DYSF: variants seen among roughly 807,000 people sequenced by gnomAD.
DYSF encodes the protein dysferlin.
DYSF carries 212 observed loss-of-function variants against 274.9 expected under a neutral mutation model. The observed-to-expected ratio is 0.77, with a 90% confidence interval of 0.69 to 0.86. DYSF has a LOEUF of 0.86. Among genes scored for constraint, DYSF ranks in the 40% least tolerant of loss-of-function variants. The pLI is 0.00. For missense variants in DYSF, 2,666 were observed against 2,783.2 expected (o/e 0.96, Z 0.95); for synonymous variants, 1,091 against 1,078.7 (o/e 1.01, Z -0.22).
chr2:71,658,593 A>G (rs1205321079), intron 43 of DYSF, among the ~76,000 whole-genome samples: 2 of 152,244 alleles, frequency 1.3e-5, no homozygotes, highest in African/African-American at 4.8e-5. Context: ...GAATCATGGC[A>G]GGAGGTGAAA....
intron 24 of DYSF, among the ~76,000 whole-genome samples, chr2:71,567,366 G>A (rs967981664): frequency 6.6e-6 from 1 of 152,204 alleles, no homozygotes; most frequent in South Asian, 2.1e-4. Flanking sequence ...TCTCTTTCCA[G>A]ATCTGTATCA....
chr2:71,516,934 C>T lies in DYSF; in HGVS notation c.952-55C>T. ...TGGGAGGGAAGAGCTATTGGGTTGGCCGTGTGGGCCACATGTTCCCTGTGA... is the reference window on the plus strand; with the variant it reads ...TGGGAGGGAAGAGCTATTGGGTTGGTCGTGTGGGCCACATGTTCCCTGTGA... On this transcript the variant is annotated intron_variant, in intron 9 of 55. Coordinates refer to ENST00000410020, the MANE Select transcript of DYSF (RefSeq NM_001130987.2). 3.9e-6 allele frequency: 6 copies of T among 1,552,356 alleles called. 1 individual carries two copies. The South Asian group carries it at 6.7e-5, about 17-fold the overall frequency.
chr2:71,543,386 C>T (rs550124692), intron 17 of DYSF, among the ~76,000 whole-genome samples: 3 of 149,606 alleles, frequency 2.0e-5, no homozygotes, highest in South Asian at 2.1e-4. Context: ...ACTGGGCAGC[C>T]GGGCAGAGGG....
chr2:71,596,045 A>T (rs1171211851), intron 32 of DYSF, among the ~76,000 whole-genome samples: 1 of 136,122 alleles, frequency 7.3e-6, no homozygotes, highest in Non-Finnish European at 1.5e-5. Flanking sequence ...GTGCAGGGAG[A>T]GGCCAGGCCC....
At chr2:71,510,679 C>A (rs1201572591) in intron 4 of DYSF, among the ~76,000 whole-genome samples, 2 of 152,196 alleles carry the variant, frequency 1.3e-5, no homozygotes, top group Non-Finnish European at 1.5e-5. Flanking sequence ...CTCTGTGAGT[C>A]CCTGGACGTC....
intron 8 of DYSF, 61 bp downstream of exon 8, chr2:71,515,812 T>A: frequency 6.2e-7 from 1 of 1,608,434 alleles, no homozygotes; most frequent in Non-Finnish European, 8.5e-7. Flanking sequence ...GGAAGCCCAG[T>A]GCAGACACCT....
At position 71,657,013 on chromosome 2, in the gene DYSF, A is replaced by C. The variant is rs191842687; in HGVS notation, c.4755+723A>C. Among the ~76,000 whole-genome samples, 445 of 152,350 alleles carry C rather than the reference A, an allele frequency of 2.9e-3. 2 individuals carry two copies. The highest frequency in any genetic ancestry group is 6.8e-3 in the Middle Eastern group (2 of 294). ...AGTTAACTCATTTCAGCATTAACCC[A>C]AAAGTCCACAGTCCAAAGTCTCATC... On this transcript the variant is annotated intron_variant, in intron 43 of 55. Transcript: ENST00000410020.
chr2:71,481,241 G>C (rs527872358), intron 2 of DYSF, among the ~76,000 whole-genome samples: 3 of 152,326 alleles, frequency 2.0e-5, no homozygotes, highest in Non-Finnish European at 2.9e-5. Flanking sequence ...TCTCACACAG[G>C]CTGTTCCTTT....
chr2:71,651,771 T>A (rs1014715938), intron 42 of DYSF, among the ~76,000 whole-genome samples: 32 of 152,082 alleles, frequency 2.1e-4, no homozygotes, highest in African/African-American at 7.5e-4. Flanking sequence ...TAATAGCAAA[T>A]GAAACCTAAC....
At chr2:71,462,163 G>A (rs2081308598), upstream of DYSF, among the ~76,000 whole-genome samples, 1 of 152,246 alleles carries the variant, frequency 6.6e-6, no homozygotes, top group Non-Finnish European at 1.5e-5. Flanking sequence ...CGCCTGCGAA[G>A]GGCGAGCCAG....
At chr2:71,544,142 T>G (rs1235779275) in intron 17 of DYSF, among the ~76,000 whole-genome samples, 9 of 152,252 alleles carry the variant, frequency 5.9e-5, no homozygotes, top group Non-Finnish European at 1.2e-4. Context: ...AATATGCAGG[T>G]GAATGCTTTC....
intron 29 of DYSF, among the ~76,000 whole-genome samples, chr2:71,571,428 GCACACACAGATCACACCCAGCA>G (rs200929683): frequency 0.16 from 15,346 of 97,124 alleles, 1,323 homozygotes; most frequent in East Asian, 0.39. Context: ...ATCACAGTCA[GCACACACAGATCACACCCAGCA>G]CACACACAGA....
At chr2:71,613,556 G>T in intron 40 of DYSF, 146 bp downstream of exon 40, 1 of 775,334 alleles carries the variant, frequency 1.3e-6, no homozygotes, top group Non-Finnish European at 2.2e-6. Context: ...CTGTCCAGTA[G>T]AGAGACCCAG....
At position 71,614,669 on chromosome 2, in the gene DYSF, A is replaced by G. The variant is rs543428378; in HGVS notation, c.4464+1259A>G. The stretch of plus-strand genomic sequence containing the variant: ...TCCCCAGGCTAAGCTCAGGGGAGCA[A>G]CTGCGGCTCCTTCCTCTTTGTATTC... On this transcript the variant is annotated intron_variant, in intron 40 of 55. Transcript: ENST00000410020. 4.7e-4 allele frequency among the ~76,000 whole-genome samples: 72 copies of G among 152,266 alleles called. No homozygotes were observed. In the South Asian group the frequency reaches 0.014, roughly 31 times the overall value.
At chr2:71,599,751 G>A (rs1372223469) in intron 33 of DYSF, among the ~76,000 whole-genome samples, 3 of 152,238 alleles carry the variant, frequency 2.0e-5, no homozygotes, top group African/African-American at 7.2e-5. Context: ...GGAAGACATT[G>A]TCAGTAAGAG....
At position 71,466,826 on chromosome 2, in the gene DYSF, G is replaced by T. The variant is rs1158740804; in HGVS notation, c.-17G>T. On this transcript the variant is annotated 5_prime_UTR_variant, in exon 1 of 56. Coordinates refer to ENST00000410020, the MANE Select transcript of DYSF (RefSeq NM_001130987.2). Reference sequence around the variant, plus strand: ...CGCCCTGACTGCGCGCCTGTGTGCCGCCGGGGCTGCCCAGCCATGCTGTGC... The same window carrying T: ...CGCCCTGACTGCGCGCCTGTGTGCCTCCGGGGCTGCCCAGCCATGCTGTGC... The T allele has an allele frequency of 5.0e-5, 75 of 1,506,500 alleles. No homozygotes were observed. Among genetic ancestry groups the T allele is most frequent in the Non-Finnish European group, 6.4e-5 (71 of 1,114,754 alleles). The allele number at this position is 1,506,500 out of a possible 1,614,324, so 93.3% of individuals were successfully genotyped here.
Position 71,520,769 on chromosome 2 carries a change from G to A in DYSF, c.1034-20G>A, listed in dbSNP as rs12713756. On this transcript the variant is annotated intron_variant, in intron 11 of 55. Coordinates refer to ENST00000410020, the MANE Select transcript of DYSF (RefSeq NM_001130987.2). Reference sequence around the variant, plus strand: ...GGGTCTTCTGATTCTGGGATCACCAGAGGATGTTGTCTCTCTTAGGGCACG... The same window carrying A: ...GGGTCTTCTGATTCTGGGATCACCAAAGGATGTTGTCTCTCTTAGGGCACG... The A allele has an allele frequency of 0.51, 822,466 of 1,609,198 alleles. 216,194 individuals are homozygous for A. Among genetic ancestry groups the A allele is most frequent in the Non-Finnish European group, 0.54 (633,294 of 1,176,142 alleles).
At chr2:71,517,957 C>T (rs376892847) in intron 10 of DYSF, among the ~76,000 whole-genome samples, 2 of 152,148 alleles carry the variant, frequency 1.3e-5, no homozygotes, top group Non-Finnish European at 2.9e-5. Context: ...CTGGGAAGGC[C>T]GTGTGAGATC....
Position 71,466,778 on chromosome 2 carries a change from C to G in DYSF, c.-65C>G. 7.0e-7 allele frequency: 1 copy of G among 1,432,644 alleles called. No homozygotes were observed. The highest frequency in any genetic ancestry group is 1.4e-5 in the South Asian group (1 of 70,696). The allele number at this position is 1,432,644 out of a possible 1,614,324, so 88.7% of individuals were successfully genotyped here. On this transcript the variant is annotated 5_prime_UTR_variant, in exon 1 of 56. Coordinates refer to ENST00000410020, the MANE Select transcript of DYSF (RefSeq NM_001130987.2). Reference sequence around the variant, plus strand: ...GAGCCGGGCGCTTGCTGGGTGGGTGCTCGGGCCCGGTGCTCCCGCTCCCGC... The same window carrying G: ...GAGCCGGGCGCTTGCTGGGTGGGTGGTCGGGCCCGGTGCTCCCGCTCCCGC...
Sources: allele counts gnomAD v4.1 joint callset (sites outside exome capture counted in the v4.1 genomes callset), GRCh38; gene constraint gnomAD v4.1.1; transcripts MANE v1.5; gene names NCBI Gene and HGNC (gene_info 2026-07-23, HGNC 2026-07-21).